The following CPNE5 variants were observed in gnomAD, a reference collection of about 807,000 sequenced individuals.
The protein encoded by CPNE5 is copine 5, also known as copine-5.
Under a neutral mutation model 81.1 loss-of-function variants are expected in CPNE5, and 42 were observed. That is an observed-to-expected ratio of 0.52 (90% confidence interval 0.40 to 0.67). The LOEUF (loss-of-function observed/expected upper bound fraction) is 0.67. CPNE5 is among the 30% of genes least tolerant of loss of function. The pLI is 0.00. For missense variants in CPNE5, 612 were observed against 815.5 expected (o/e 0.75, Z 3.04); for synonymous variants, 313 against 321.5 (o/e 0.97, Z 0.28).
chr6:36,742,419 C>T lies in CPNE5; in HGVS notation c.1631G>A (p.Arg544Gln), dbSNP rs1389541860. The T allele has an allele frequency of 5.0e-6, 8 of 1,613,636 alleles. No homozygotes were observed. The highest frequency in any genetic ancestry group is 2.2e-5 in the South Asian group (2 of 91,082). ...NHVLSMARLA[R>Q]DVLAEIPDQL... ...GTCAGGGATCTCTGCCAGCACGTCT[C>T]GGGCCAGGCGGGCCATGCTCAGCAC... The change falls in exon 21 of 21, where the codon CGA becomes CAA. Residue 544 changes from arginine (R) to glutamine (Q), a missense_variant. Transcript: ENST00000244751.
intron 8 of CPNE5, among the ~76,000 whole-genome samples, chr6:36,780,705 G>A (rs1767970470): frequency 6.6e-6 from 1 of 152,048 alleles, no homozygotes; most frequent in Non-Finnish European, 1.5e-5. Context: ...CTTCCCTCGG[G>A]GACATCTGAT....
chr6:36,839,218 G>T lies in CPNE5; in HGVS notation c.95+65C>A. On this transcript the variant is annotated intron_variant, in intron 1 of 20. Transcript: ENST00000244751. The surrounding 1 kb of genome is among the most constrained non-coding windows in gnomAD (Gnocchi z 7.3). ...GCGCGCGGAGGTTTAGGATCGAAGC[G>T]GCAGGGGCCGCGGGGCTCTGCGTCC... 8.1e-7 allele frequency: 1 copy of T among 1,240,204 alleles called. No individual in the cohort carries two copies. Among genetic ancestry groups the T allele is most frequent in the Non-Finnish European group, 1.1e-6 (1 of 900,102 alleles). 76.8% of individuals were successfully genotyped at this position (1,240,204 alleles called of 1,614,324 possible).
chr6:36,837,155 T>G (rs1163466241), intron 1 of CPNE5, among the ~76,000 whole-genome samples: 2 of 152,236 alleles, frequency 1.3e-5, no homozygotes, highest in Non-Finnish European at 2.9e-5. Flanking sequence ...ACCTACTGTG[T>G]GCCAAGCAAG....
At chr6:36,804,705 G>A (rs752151059) in intron 3 of CPNE5, among the ~76,000 whole-genome samples, 1 of 111,858 alleles carries the variant, frequency 8.9e-6, no homozygotes, top group African/African-American at 3.5e-5. Context: ...CACCCATTAA[G>A]GAAGATGACA....
Position 36,742,412 on chromosome 6 carries a change from C to G in CPNE5, c.1638G>C (p.Val546=), listed in dbSNP as rs1446232126. The stretch of plus-strand genomic sequence containing the variant: ...CCAGTTGGTCAGGGATCTCTGCCAG[C>G]ACGTCTCGGGCCAGGCGGGCCATGC... The part of the protein sequence containing the change: ...VLSMARLARD[V]LAEIPDQLVS... The change falls in exon 21 of 21, where the codon GTG becomes GTC. Residue 546 remains valine, a synonymous_variant. Coordinates refer to ENST00000244751, the MANE Select transcript of CPNE5 (RefSeq NM_020939.2). The G allele has an allele frequency of 6.2e-7, 1 of 1,613,630 alleles. No homozygotes were observed. The highest frequency in any genetic ancestry group is 1.3e-5 in the African/African-American group (1 of 74,936).
chr6:36,811,491 C>T (rs563712191), intron 3 of CPNE5, among the ~76,000 whole-genome samples: 1 of 152,190 alleles, frequency 6.6e-6, no homozygotes, highest in Non-Finnish European at 1.5e-5. Context: ...CAAGATCCCC[C>T]ACCTGGGCAG....
At chr6:36,834,313 A>G (rs1172101270) in intron 1 of CPNE5, among the ~76,000 whole-genome samples, 11 of 125,964 alleles carry the variant, frequency 8.7e-5, no homozygotes, top group South Asian at 3.2e-4. Context: ...GGGAGGGAGG[A>G]AGGAAGGAAA....
intron 3 of CPNE5, among the ~76,000 whole-genome samples, chr6:36,804,579 C>CT (rs1487138022): frequency 6.6e-6 from 1 of 152,072 alleles, no homozygotes; most frequent in Non-Finnish European, 1.5e-5. Flanking sequence ...CTTCAACAAC[C>CT]TCACAGCATC....
intron 12 of CPNE5, among the ~76,000 whole-genome samples, chr6:36,762,057 G>T (rs762105428): frequency 3.3e-5 from 5 of 151,960 alleles, no homozygotes; most frequent in Non-Finnish European, 5.9e-5. Flanking sequence ...CTCAAGACCA[G>T]CCTGGGAAAC....
At chr6:36,770,435 T>A (rs942864522) in intron 10 of CPNE5, among the ~76,000 whole-genome samples, 2 of 152,234 alleles carry the variant, frequency 1.3e-5, no homozygotes, top group African/African-American at 4.8e-5. Context: ...ACTTGGTCCA[T>A]GTCCTAAGTC....
At chr6:36,830,081 CT>C (rs1772858572) in intron 1 of CPNE5, among the ~76,000 whole-genome samples, 1 of 152,162 alleles carries the variant, frequency 6.6e-6, no homozygotes, top group Admixed American at 6.5e-5. Context: ...AGAAAGTAGA[CT>C]TTGCTCCCAT....
Position 36,753,237 on chromosome 6 carries a change from T to C in CPNE5, c.910-142A>G, listed in dbSNP as rs1006855797. The C allele has an allele frequency of 4.8e-6, 3 of 626,508 alleles. No individual in the cohort carries two copies. In the African/African-American group the frequency reaches 5.5e-5, roughly 11 times the overall value. 38.8% of individuals were successfully genotyped at this position (626,508 alleles called of 1,614,324 possible). A position where few individuals can be genotyped will look rare whatever the true frequency, so the allele number is the denominator to read the frequency against. On this transcript the variant is annotated intron_variant, in intron 13 of 20. Coordinates refer to ENST00000244751, the MANE Select transcript of CPNE5 (RefSeq NM_020939.2). ...TGCATGCACTGCCCACACCACCCCA[T>C]GAAGTACTATTATTATCCCCACTTT...
At chr6:36,834,254 CAAAAAAAA>C (rs1157250827) in intron 1 of CPNE5, among the ~76,000 whole-genome samples, 757 of 21,686 alleles carry the variant, frequency 0.035, 5 homozygotes, top group Admixed American at 0.066. Context: ...GACTGTATCT[CAAAAAAAA>C]AAAAAAAAAA....
intron 8 of CPNE5, among the ~76,000 whole-genome samples, chr6:36,783,939 T>A (rs1463367274): frequency 2.0e-5 from 3 of 152,186 alleles, no homozygotes; most frequent in Admixed American, 2.0e-4. Context: ...GATTAATAAC[T>A]GAGATTCCAA....
intron 8 of CPNE5, among the ~76,000 whole-genome samples, chr6:36,785,026 T>C (rs921756873): frequency 1.3e-5 from 2 of 152,040 alleles, no homozygotes; most frequent in Non-Finnish European, 2.9e-5. Flanking sequence ...ATAAAGCAGC[T>C]CCTGCAATAT....
intron 9 of CPNE5, among the ~76,000 whole-genome samples, chr6:36,777,979 C>A (rs145063518): frequency 6.6e-6 from 1 of 152,288 alleles, no homozygotes; most frequent in African/African-American, 2.4e-5. Flanking sequence ...CCTTCTCCAG[C>A]AGCGCTTCTC....
chr6:36,821,841 C>T (rs550222308), intron 3 of CPNE5, among the ~76,000 whole-genome samples: 2 of 152,296 alleles, frequency 1.3e-5, no homozygotes, highest in East Asian at 3.9e-4. Flanking sequence ...GCACGGACTC[C>T]TTCTGCGTCT....
chr6:36,748,322 G>C (rs898973924), intron 14 of CPNE5, 55 bp from the exon 15 acceptor site: 17 of 1,526,024 alleles, frequency 1.1e-5, no homozygotes, highest in Non-Finnish European at 1.5e-5. Context: ...GGCTGTGGGA[G>C]GGGGGACAGT....
At chr6:36,821,682 G>A (rs1772066685) in intron 3 of CPNE5, among the ~76,000 whole-genome samples, 1 of 152,174 alleles carries the variant, frequency 6.6e-6, no homozygotes, top group Non-Finnish European at 1.5e-5. Flanking sequence ...ATGCAGAAGG[G>A]AGTCAACAAA....
Sources: allele counts gnomAD v4.1 joint callset (sites outside exome capture counted in the v4.1 genomes callset), GRCh38; gene constraint gnomAD v4.1.1; non-coding constraint Gnocchi (gnomAD v3.1); transcripts MANE v1.5; gene names NCBI Gene and HGNC (gene_info 2026-07-23, HGNC 2026-07-21).